Variants in SLC25A26 observed in about 807,000 individuals in gnomAD.
SLC25A26 encodes the protein solute carrier family 25 member 26.
A neutral mutation model predicts 37.8 loss-of-function variants in SLC25A26; 36 were observed. The observed-to-expected ratio is 0.95, with a 90% CI of 0.73 to 1.26. The LOEUF is 1.26. SLC25A26 is among the 50% of genes most tolerant of loss of function. The pLI, the probability that SLC25A26 is intolerant of heterozygous loss-of-function variation, is 0.00. For missense variants in SLC25A26, 390 were observed against 331.1 expected, an observed-to-expected ratio of 1.18 and a Z score of -1.38; for synonymous variants, 129 against 122.5, an observed-to-expected ratio of 1.05 and a Z score of -0.35.
chr3:66,217,225 A>C (rs2071375310), upstream of SLC25A26, among the ~76,000 whole-genome samples: 1 of 152,228 alleles, frequency 6.6e-6, no homozygotes. Flanking sequence ...TCAAAATTAA[A>C]GGTATAAGTC....
intron 1 of SLC25A26, among the ~76,000 whole-genome samples, chr3:66,192,922 T>G (rs901537724): frequency 3.1e-4 from 47 of 152,232 alleles, no homozygotes; most frequent in African/African-American, 1.1e-3. Context: ...GTTTTTTACT[T>G]TCTATCCTGT....
At chr3:66,281,380 A>C (rs2074331240) in intron 5 of SLC25A26, among the ~76,000 whole-genome samples, 1 of 152,230 alleles carries the variant, frequency 6.6e-6, no homozygotes, top group Non-Finnish European at 1.5e-5. Context: ...CCCATTCCCC[A>C]ATAAATAGTT....
chr3:66,374,886 A>AT lies in SLC25A26; in HGVS notation c.708-2804_708-2803insT, dbSNP rs1308849461. On this transcript the variant is annotated intron_variant, in intron 9 of 9. Transcript: ENST00000354883. ...ACAGCAAGACCCTATCTCAAAAAAA[A>AT]AAATTAATTAATTAAAAATAAAAGC... is the stretch of plus-strand genomic sequence containing the variant. 1.9e-4 allele frequency among the ~76,000 whole-genome samples: 28 copies of AT among 151,196 alleles called. No homozygotes were observed. The East Asian group carries it at 2.8e-3, about 15-fold the overall frequency.
rs139864894 is a variant in SLC25A26 at position 66,373,339 on chromosome 3, A to G, written c.707+2737A>G. 4.3e-3 allele frequency among the ~76,000 whole-genome samples: 653 copies of G among 152,310 alleles called. 10 individuals are homozygous for G. The highest frequency in any genetic ancestry group is 0.015 in the African/African-American group (615 of 41,558). ...ACTGGCTGGGGCCCTCACTGTACAA[A>G]TTACTCCACGTTAAGGCCGTAATTA... On this transcript the variant is annotated intron_variant, in intron 9 of 9. Transcript: ENST00000354883.
chr3:66,277,163 T>G (rs945365348), intron 5 of SLC25A26, among the ~76,000 whole-genome samples: 8 of 152,218 alleles, frequency 5.3e-5, no homozygotes, highest in African/African-American at 1.9e-4. Flanking sequence ...TGAATCCCTG[T>G]AGTCTCATCA....
At chr3:66,363,916 C>T (rs1252517039) in intron 7 of SLC25A26, among the ~76,000 whole-genome samples, 1 of 152,128 alleles carries the variant, frequency 6.6e-6, no homozygotes, top group African/African-American at 2.4e-5. Context: ...TGATGATGAT[C>T]GTTTCCACAT....
chr3:66,272,743 G>C (rs941110836), intron 5 of SLC25A26, among the ~76,000 whole-genome samples: 1 of 152,094 alleles, frequency 6.6e-6, no homozygotes, highest in Non-Finnish European at 1.5e-5. Context: ...TGCAAACAGG[G>C]ACAATTTGAC....
At chr3:66,174,673 C>G (rs1327038282) in intron 1 of SLC25A26, among the ~76,000 whole-genome samples, 1 of 151,998 alleles carries the variant, frequency 6.6e-6, no homozygotes, top group East Asian at 1.9e-4. Flanking sequence ...GTAGTCCCAC[C>G]TACTCGGGAG....
chr3:66,343,168 C>T lies in SLC25A26; in HGVS notation c.454-3196C>T, dbSNP rs971331786. ...TTCTGACGGGCCCACGTTCTGTAGACGTTGGGAAAAGTGTTTGTTTTAGCT... is the reference window on the plus strand; with the variant it reads ...TTCTGACGGGCCCACGTTCTGTAGATGTTGGGAAAAGTGTTTGTTTTAGCT... On this transcript the variant is annotated intron_variant, in intron 5 of 9. Coordinates refer to ENST00000354883, the MANE Select transcript of SLC25A26 (RefSeq NM_001379210.1). 2.0e-5 allele frequency among the ~76,000 whole-genome samples: 3 copies of T among 152,162 alleles called. No individual in the cohort carries two copies. The East Asian group carries it at 5.8e-4, about 29-fold the overall frequency.
chr3:66,269,069 G>C (rs2107338825), intron 5 of SLC25A26, among the ~76,000 whole-genome samples: 1 of 152,310 alleles, frequency 6.6e-6, no homozygotes, highest in East Asian at 1.9e-4. Flanking sequence ...TCCCTTACCA[G>C]CCATCTGCTC....
At chr3:66,275,723 T>C (rs932727710) in intron 5 of SLC25A26, among the ~76,000 whole-genome samples, 2 of 152,124 alleles carry the variant, frequency 1.3e-5, no homozygotes, top group African/African-American at 2.4e-5. Flanking sequence ...AATTTTCTTA[T>C]CATATTTACT....
intron 9 of SLC25A26, among the ~76,000 whole-genome samples, chr3:66,374,002 A>C (rs1700494803): frequency 6.6e-6 from 1 of 152,070 alleles, no homozygotes; most frequent in Non-Finnish European, 1.5e-5. Context: ...CTTGCTTGTC[A>C]TGGAGGCTTT....
chr3:66,200,680 T>C (rs1234315941), intron 1 of SLC25A26, among the ~76,000 whole-genome samples: 5 of 152,278 alleles, frequency 3.3e-5, no homozygotes, highest in Non-Finnish European at 7.3e-5. Flanking sequence ...CCTGTACTTA[T>C]GTTTTCAGTA....
At chr3:66,368,851 C>T (rs903580280) in intron 7 of SLC25A26, among the ~76,000 whole-genome samples, 1 of 151,820 alleles carries the variant, frequency 6.6e-6, no homozygotes, top group African/African-American at 2.4e-5. Flanking sequence ...GACCCTGTCT[C>T]TATAGAAAAT....
intron 5 of SLC25A26, among the ~76,000 whole-genome samples, chr3:66,310,983 CTCGAGGAGTA>C (rs781423502): frequency 1.3e-5 from 2 of 152,112 alleles, no homozygotes; most frequent in Non-Finnish European, 2.9e-5. Flanking sequence ...GGTTGATCTT[CTCGAGGAGTA>C]TCTTAGTGGT....
At chr3:66,151,649 T>G (rs1241083835) in intron 1 of SLC25A26, among the ~76,000 whole-genome samples, 7 of 152,174 alleles carry the variant, frequency 4.6e-5, no homozygotes, top group Non-Finnish European at 4.4e-5. Context: ...TGGAGGGACT[T>G]ACACATCATC....
intron 1 of SLC25A26, among the ~76,000 whole-genome samples, chr3:66,207,728 T>C (rs1246976811): frequency 6.6e-6 from 1 of 152,236 alleles, no homozygotes; most frequent in Non-Finnish European, 1.5e-5. Flanking sequence ...GCACACAGTA[T>C]ATATTTTAGA....
intron 5 of SLC25A26, among the ~76,000 whole-genome samples, chr3:66,341,860 G>T (rs1349387442): frequency 6.6e-6 from 1 of 151,988 alleles, no homozygotes; most frequent in African/African-American, 2.4e-5. Flanking sequence ...TTTACTATTG[G>T]AATTCTTTCC....
intron 1 of SLC25A26, among the ~76,000 whole-genome samples, chr3:66,149,442 A>G (rs1050325501): frequency 6.6e-6 from 1 of 152,154 alleles, no homozygotes; most frequent in Non-Finnish European, 1.5e-5. Flanking sequence ...TGTGCCAACA[A>G]ATTTTCTTTG....
Sources: allele counts gnomAD v4.1 joint callset (sites outside exome capture counted in the v4.1 genomes callset), GRCh38; gene constraint gnomAD v4.1.1; transcripts MANE v1.5; gene names NCBI Gene and HGNC (gene_info 2026-07-23, HGNC 2026-07-21).